The following RBFOX1 variants were observed in gnomAD, a reference collection of about 807,000 sequenced individuals.
The protein encoded by RBFOX1 is RNA binding protein fox-1 homolog 1.
In RBFOX1, 8 loss-of-function variants were observed where a neutral mutation model predicts 57.7. The ratio of observed to expected loss-of-function variants is 0.14; its 90% CI spans 0.08 to 0.25. The LOEUF is 0.25. RBFOX1 is among the 10% of genes least tolerant of loss of function. RBFOX1 has a pLI of 1.00. For synonymous variants in RBFOX1, 326 were observed against 222.4 expected, an observed-to-expected ratio of 1.47 and a Z score of -4.15; for missense variants, 611 against 548.5, an observed-to-expected ratio of 1.11 and a Z score of -1.14.
intron 14 of RBFOX1, among the ~76,000 whole-genome samples, chr16:7,706,608 T>C (rs181114049): frequency 5.1e-4 from 77 of 152,352 alleles, no homozygotes; most frequent in Middle Eastern, 3.4e-3. Context: ...TTGCATCTTT[T>C]CACATTTGTT....
intron 1 of RBFOX1, among the ~76,000 whole-genome samples, chr16:6,103,932 G>A (rs575620107): frequency 6.6e-6 from 1 of 152,130 alleles, no homozygotes; most frequent in African/African-American, 2.4e-5. Context: ...TTTGACTCTG[G>A]GCTATTACTT....
At chr16:5,249,341 C>G (rs773974627) in intron 1 of RBFOX1, among the ~76,000 whole-genome samples, 1 of 152,188 alleles carries the variant, frequency 6.6e-6, no homozygotes, top group Admixed American at 6.5e-5. Flanking sequence ...TCCCTCAGAC[C>G]GTCCTCCTGG....
chr16:6,021,267 G>C (rs2095070315), intron 1 of RBFOX1, among the ~76,000 whole-genome samples: 1 of 152,054 alleles, frequency 6.6e-6, no homozygotes, highest in Non-Finnish European at 1.5e-5. Flanking sequence ...CCCAAGTTTA[G>C]GACATGCCCC....
chr16:7,386,972 T>G (rs920316607), intron 4 of RBFOX1, among the ~76,000 whole-genome samples: 1 of 152,238 alleles, frequency 6.6e-6, no homozygotes, highest in African/African-American at 2.4e-5. Flanking sequence ...ATTTCTCTAA[T>G]GACCAGTGAT....
At chr16:7,217,894 GTA>G (rs1255235697) in intron 4 of RBFOX1, among the ~76,000 whole-genome samples, 68 of 129,422 alleles carry the variant, frequency 5.3e-4, no homozygotes, top group Admixed American at 8.2e-4. Flanking sequence ...GTGTGCATGC[GTA>G]TGTGTGTGCA....
chr16:6,324,762 C>G (rs1283221759), intron 2 of RBFOX1, among the ~76,000 whole-genome samples: 1 of 152,150 alleles, frequency 6.6e-6, no homozygotes, highest in Non-Finnish European at 1.5e-5. Context: ...AGGGCCCCAT[C>G]TAACTTCGAA....
At chr16:6,559,885 A>G (rs778263703) in intron 2 of RBFOX1, among the ~76,000 whole-genome samples, 6 of 152,160 alleles carry the variant, frequency 3.9e-5, no homozygotes, top group Non-Finnish European at 5.9e-5. Context: ...AAAGAAAACA[A>G]GAACCTCTGG....
At position 7,518,407 on chromosome 16, in the gene RBFOX1, C is replaced by G; in HGVS notation, c.270+18C>G. The G allele has an allele frequency of 2.5e-6, 4 of 1,598,708 alleles. No homozygotes were observed. The highest frequency in any genetic ancestry group is 3.4e-6 in the Non-Finnish European group (4 of 1,170,314). On this transcript the variant is annotated intron_variant, in intron 5 of 15. Transcript: ENST00000550418. ...CCGCCACAGTAAGTGGACGTGTTTG[C>G]TACGGGTGGGAGGTTATGGGGAGGC...
At position 7,029,236 on chromosome 16, in the gene RBFOX1, GTATACGTATATATATACACACATA is replaced by G. The variant is rs2042124894; in HGVS notation, c.-15-22816_-15-22793del. 1.8e-4 allele frequency among the ~76,000 whole-genome samples: 10 copies of G among 55,294 alleles called. 2 individuals are homozygous for G. Among genetic ancestry groups the G allele is most frequent in the African/African-American group, 1.2e-3 (10 of 8,120 alleles). The allele number at this position is 55,294 out of a possible 152,430, so 36.3% of individuals were successfully genotyped here. ...TATATATATACACACATATATATAC[GTATACGTATATATATACACACATA>G]TATATACGTATACGTATATATATAC... On this transcript the variant is annotated intron_variant, in intron 3 of 15. Coordinates refer to ENST00000550418, the MANE Select transcript of RBFOX1 (RefSeq NM_018723.4).
chr16:6,609,625 A>G (rs116592074), intron 2 of RBFOX1, among the ~76,000 whole-genome samples: 1,960 of 152,216 alleles, frequency 0.013, 59 homozygotes, highest in African/African-American at 0.044. Context: ...TCTTTACTGG[A>G]TTAGCTGTTT....
In RBFOX1 at chr16:5,946,688, C is replaced by T. The variant is rs1416683469; in HGVS notation, c.351+79353C>T. On this transcript the variant is annotated intron_variant, in intron 4 of 19. Coordinates refer to the RBFOX1 transcript ENST00000641259. The surrounding 1 kb of genome is among the most constrained non-coding windows in gnomAD (Gnocchi z 4.6). The stretch of plus-strand genomic sequence containing the variant: ...GTTATGAGAATCTCTGATTTATAAC[C>T]AGATGGTGAGAAGGGAAGTACAGGC... Among the ~76,000 whole-genome samples the T allele has an allele frequency of 2.0e-5, 3 of 152,090 alleles. No homozygotes were observed. The highest frequency in any genetic ancestry group is 4.8e-5 in the African/African-American group (2 of 41,402).
intron 1 of RBFOX1, among the ~76,000 whole-genome samples, chr16:6,106,916 C>G (rs2096387853): frequency 1.3e-5 from 2 of 152,114 alleles, no homozygotes; most frequent in South Asian, 4.1e-4. Context: ...CGTGATCTGC[C>G]CTCCTTGGCC....
chr16:7,137,815 A>G (rs1600662024), intron 4 of RBFOX1, among the ~76,000 whole-genome samples: 1 of 152,358 alleles, frequency 6.6e-6, no homozygotes, highest in Non-Finnish European at 1.5e-5. Context: ...GTTGTAGTTC[A>G]TCTGCAAATG....
At chr16:6,073,605 A>G (rs960651337) in intron 1 of RBFOX1, among the ~76,000 whole-genome samples, 1 of 152,222 alleles carries the variant, frequency 6.6e-6, no homozygotes, top group Non-Finnish European at 1.5e-5. Context: ...AAGTAAAATG[A>G]CAAATTTTTG....
intron 2 of RBFOX1, among the ~76,000 whole-genome samples, chr16:6,591,022 T>A (rs1888203292): frequency 6.6e-6 from 1 of 152,170 alleles, no homozygotes; most frequent in Admixed American, 6.5e-5. Flanking sequence ...GTTTTGGCAC[T>A]TGCAAGATGT....
chr16:6,742,955 A>G (rs1324672004), intron 3 of RBFOX1, among the ~76,000 whole-genome samples: 1 of 152,200 alleles, frequency 6.6e-6, no homozygotes. Flanking sequence ...AAACTTATAC[A>G]AACACACTTT....
At chr16:7,041,723 C>T (rs1330909674) in intron 3 of RBFOX1, among the ~76,000 whole-genome samples, 1 of 152,180 alleles carries the variant, frequency 6.6e-6, no homozygotes. Flanking sequence ...ATTCACAAGG[C>T]CTCTTGGGGA....
intron 3 of RBFOX1, among the ~76,000 whole-genome samples, chr16:5,781,180 T>A (rs1326453003): frequency 3.3e-5 from 5 of 152,176 alleles, no homozygotes. Flanking sequence ...AAAAGATAGG[T>A]GCTTTTCTGA....
chr16:5,733,324 C>T (rs1447411724), intron 3 of RBFOX1, among the ~76,000 whole-genome samples: 1 of 152,156 alleles, frequency 6.6e-6, no homozygotes, highest in Non-Finnish European at 1.5e-5. Flanking sequence ...TGTGGGTGGA[C>T]TCATCCCTCA....
Sources: allele counts gnomAD v4.1 joint callset (sites outside exome capture counted in the v4.1 genomes callset), GRCh38; gene constraint gnomAD v4.1.1; non-coding constraint Gnocchi (gnomAD v3.1); transcripts MANE v1.5; gene names NCBI Gene and HGNC (gene_info 2026-07-23, HGNC 2026-07-21).